TMEM132C: variants seen among roughly 807,000 people sequenced by gnomAD.
TMEM132C encodes protein phosphatase 1, regulatory subunit 152.
Under a neutral mutation model 61.4 loss-of-function variants are expected in TMEM132C, and 29 were observed. The observed-to-expected ratio is 0.47, with a 90% CI of 0.35 to 0.64. The LOEUF (loss-of-function observed/expected upper bound fraction) is 0.64, where lower values mean the gene tolerates loss of function less well. TMEM132C is among the 30% of genes least tolerant of loss of function. The pLI, the probability that TMEM132C is intolerant of heterozygous loss-of-function variation, is 0.00. For synonymous variants in TMEM132C, 656 were observed against 633.1 expected, an observed-to-expected ratio of 1.04 and a Z score of -0.54; for missense variants, 1,408 against 1,476.9, an observed-to-expected ratio of 0.95 and a Z score of 0.76.
chr12:128,479,484 A>G (rs1031410771), intron 2 of TMEM132C, among the ~76,000 whole-genome samples: 3 of 152,014 alleles, frequency 2.0e-5, no homozygotes, highest in Non-Finnish European at 4.4e-5. Context: ...CCACTGGGGG[A>G]AAAAAAGTAT....
intron 1 of TMEM132C, among the ~76,000 whole-genome samples, chr12:128,282,085 T>G (rs1870917215): frequency 6.6e-6 from 1 of 152,194 alleles, no homozygotes; most frequent in South Asian, 2.1e-4. Flanking sequence ...TTTAGAATAT[T>G]TCAAAAATAG....
intron 2 of TMEM132C, among the ~76,000 whole-genome samples, chr12:128,481,781 G>A (rs963730837): frequency 1.3e-5 from 2 of 152,088 alleles, no homozygotes. Flanking sequence ...AAGGGGGCTT[G>A]GTTGTCCCTG....
At chr12:128,637,995 T>C (rs562603602) in intron 4 of TMEM132C, among the ~76,000 whole-genome samples, 3 of 152,340 alleles carry the variant, frequency 2.0e-5, no homozygotes, top group African/African-American at 7.2e-5. Context: ...AGAGACACCA[T>C]GGGAAACATG....
At chr12:128,662,472 G>A (rs1434587569) in intron 4 of TMEM132C, among the ~76,000 whole-genome samples, 2 of 152,212 alleles carry the variant, frequency 1.3e-5, no homozygotes, top group Non-Finnish European at 2.9e-5. Context: ...GCAGAGCCAG[G>A]ATTTAAGGCA....
chr12:128,654,582 AACATCGTAG>A (rs971398480), intron 4 of TMEM132C, among the ~76,000 whole-genome samples: 2 of 152,170 alleles, frequency 1.3e-5, no homozygotes, highest in Non-Finnish European at 1.5e-5. Flanking sequence ...CCTGCCTAAC[AACATCGTAG>A]ATGCCCAATA....
At chr12:128,666,417 TAAG>T (rs2135627794) in intron 4 of TMEM132C, among the ~76,000 whole-genome samples, 1 of 152,312 alleles carries the variant, frequency 6.6e-6, no homozygotes, top group African/African-American at 2.4e-5. Context: ...TCCAGAACTG[TAAG>T]AAACAAATTT....
chr12:128,560,936 C>T (rs916558491), intron 3 of TMEM132C, among the ~76,000 whole-genome samples: 2 of 152,106 alleles, frequency 1.3e-5, no homozygotes, highest in African/African-American at 4.8e-5. Context: ...GTTGTCCCAC[C>T]GTACAGATAA....
chr12:128,386,121 A>T (rs774117011), intron 1 of TMEM132C, among the ~76,000 whole-genome samples: 10 of 152,160 alleles, frequency 6.6e-5, no homozygotes, highest in Non-Finnish European at 1.3e-4. Context: ...TTATGGGCAG[A>T]AAGTGCCTCC....
intron 1 of TMEM132C, among the ~76,000 whole-genome samples, chr12:128,378,963 A>G (rs1007072516): frequency 6.6e-6 from 1 of 152,164 alleles, no homozygotes; most frequent in Non-Finnish European, 1.5e-5. Context: ...CCTGCCTGTC[A>G]CCATGTAAGA....
chr12:128,475,351 T>A (rs1402593871), intron 2 of TMEM132C, among the ~76,000 whole-genome samples: 1 of 152,198 alleles, frequency 6.6e-6, no homozygotes, highest in Admixed American at 6.5e-5. Flanking sequence ...ATGTCCCGAA[T>A]AATCAAGTCT....
chr12:128,508,490 G>A (rs1401988303), intron 2 of TMEM132C, among the ~76,000 whole-genome samples: 1 of 152,188 alleles, frequency 6.6e-6, no homozygotes, highest in Admixed American at 6.5e-5. Flanking sequence ...GAGGCGGAGT[G>A]GGGACATGGG....
In TMEM132C at chr12:128,592,982, C is replaced by G. The variant is rs549790486; in HGVS notation, c.1122-23170C>G. 6.6e-4 allele frequency among the ~76,000 whole-genome samples: 100 copies of G among 152,308 alleles called. No individual in the cohort carries two copies. The Middle Eastern group carries it at 0.01, about 16-fold the overall frequency. ...AATTCTCATGGTTCTTCTCTCTGCT[C>G]TCTCTTTCTTTCTCTCTCTCTTCCC... On this transcript the variant is annotated intron_variant, in intron 3 of 8. Transcript: ENST00000435159.
intron 4 of TMEM132C, among the ~76,000 whole-genome samples, chr12:128,641,961 AT>A (rs34283461): frequency 0.13 from 17,311 of 128,626 alleles, 962 homozygotes; most frequent in African/African-American, 0.14. Context: ...TGCCCGGCTA[AT>A]TTTTTTTTTT....
intron 3 of TMEM132C, 71 bp from the exon 4 acceptor site, chr12:128,616,081 G>A (rs915784875): frequency 3.4e-5 from 51 of 1,481,684 alleles, no homozygotes; most frequent in Middle Eastern, 1.8e-4. Context: ...TATCTTCTGC[G>A]TACTATTATG....
At chr12:128,298,607 C>T (rs1236780997) in intron 1 of TMEM132C, among the ~76,000 whole-genome samples, 1 of 152,192 alleles carries the variant, frequency 6.6e-6, no homozygotes, top group African/African-American at 2.4e-5. Flanking sequence ...GGGTAACTGC[C>T]TGCAGCCACT....
chr12:128,332,845 G>C (rs3850013), intron 1 of TMEM132C, among the ~76,000 whole-genome samples: 1 of 139,246 alleles, frequency 7.2e-6, no homozygotes. Flanking sequence ...AGTTGCAGTG[G>C]CTCTTGCCAA....
At chr12:128,485,016 G>C (rs1336262332) in intron 2 of TMEM132C, among the ~76,000 whole-genome samples, 2 of 152,066 alleles carry the variant, frequency 1.3e-5, no homozygotes, top group African/African-American at 4.8e-5. Flanking sequence ...AGGAAGGTTG[G>C]TTGGTTGGTT....
rs536775674 is a variant in TMEM132C, at chr12:128,403,085, A to G, written c.86-11647A>G. ...TATGTAATTTCAGCAAAGGATATTCAGGCTTTGTTCAGAAGAGGCATTGAA... is the reference window on the plus strand; with the variant it reads ...TATGTAATTTCAGCAAAGGATATTCGGGCTTTGTTCAGAAGAGGCATTGAA... On this transcript the variant is annotated intron_variant, in intron 1 of 8. Coordinates refer to ENST00000435159, the MANE Select transcript of TMEM132C (RefSeq NM_001136103.3). Among the ~76,000 whole-genome samples the G allele has an allele frequency of 1.4e-3, 208 of 152,336 alleles. 1 individual carries two copies. The highest frequency in any genetic ancestry group is 4.8e-3 in the African/African-American group (201 of 41,580).
chr12:128,300,973 T>C (rs1566048296), intron 1 of TMEM132C, among the ~76,000 whole-genome samples: 2 of 152,144 alleles, frequency 1.3e-5, no homozygotes, highest in Non-Finnish European at 2.9e-5. Context: ...CTCAGGAGTT[T>C]GAGGCTACAG....
Sources: allele counts gnomAD v4.1 joint callset (sites outside exome capture counted in the v4.1 genomes callset), GRCh38; gene constraint gnomAD v4.1.1; transcripts MANE v1.5; gene names NCBI Gene and HGNC (gene_info 2026-07-23, HGNC 2026-07-21).